The following SPSB1 variants were observed in gnomAD, a reference collection of about 807,000 sequenced individuals.
SPSB1 encodes the protein splA/ryanodine receptor domain and SOCS box containing 1.
SPSB1 carries 8 observed loss-of-function variants against 21.2 expected under a neutral mutation model. That is an observed-to-expected ratio of 0.38 (90% confidence interval 0.22 to 0.68). The LOEUF is 0.68. Ranked by LOEUF, SPSB1 falls within the 30% of genes least tolerant of loss-of-function variation. The pLI is 0.53. For missense variants in SPSB1, 242 were observed against 377.8 expected (o/e 0.64, Z 2.98); for synonymous variants, 169 against 161.7 (o/e 1.05, Z -0.34).
At chr1:9,337,510 G>A (rs1640022750) in intron 1 of SPSB1, among the ~76,000 whole-genome samples, 1 of 152,178 alleles carries the variant, frequency 6.6e-6, no homozygotes, top group African/African-American at 2.4e-5. Context: ...TGGGAGAACA[G>A]GGTGAGGCTG....
At chr1:9,294,121 A>C (rs1639168615) in intron 1 of SPSB1, among the ~76,000 whole-genome samples, 1 of 137,528 alleles carries the variant, frequency 7.3e-6, no homozygotes, top group African/African-American at 2.7e-5. Context: ...TCTGTGTGTG[A>C]GTGTGTATGT....
chr1:9,328,001 G>T (rs549364276), intron 1 of SPSB1, among the ~76,000 whole-genome samples: 4 of 152,258 alleles, frequency 2.6e-5, no homozygotes, highest in Non-Finnish European at 4.4e-5. Flanking sequence ...GGTGAATGGA[G>T]TGCTGCAATC....
chr1:9,309,232 C>A (rs375425434), intron 1 of SPSB1, among the ~76,000 whole-genome samples: 10 of 144,476 alleles, frequency 6.9e-5, no homozygotes, highest in Non-Finnish European at 1.1e-4. Flanking sequence ...TAAGCTAGAT[C>A]CCCCCTCAAT....
intron 1 of SPSB1, among the ~76,000 whole-genome samples, chr1:9,330,254 G>A (rs1044991994): frequency 3.9e-5 from 6 of 152,130 alleles, no homozygotes; most frequent in African/African-American, 1.4e-4. Context: ...GATCACCTGA[G>A]GTCAGGAGTT....
At chr1:9,295,634 G>A (rs541829957) in intron 1 of SPSB1, among the ~76,000 whole-genome samples, 1 of 152,318 alleles carries the variant, frequency 6.6e-6, no homozygotes, top group African/African-American at 2.4e-5. Context: ...CCAGAGCTGG[G>A]GAATGGGGTG....
At chr1:9,338,446 T>C (rs777761539) in intron 1 of SPSB1, among the ~76,000 whole-genome samples, 44 of 152,298 alleles carry the variant, frequency 2.9e-4, no homozygotes, top group Non-Finnish European at 5.9e-4. Context: ...TGGGGGTCAG[T>C]GTACCTAAGG....
intron 2 of SPSB1, among the ~76,000 whole-genome samples, chr1:9,364,684 C>T (rs1640535968): frequency 6.6e-6 from 1 of 152,208 alleles, no homozygotes; most frequent in Non-Finnish European, 1.5e-5. Flanking sequence ...CGAAAGGCCC[C>T]CTTTCAAAAT....
intron 2 of SPSB1, among the ~76,000 whole-genome samples, chr1:9,362,906 G>A (rs747547765): frequency 5.3e-5 from 8 of 152,244 alleles, no homozygotes; most frequent in African/African-American, 1.2e-4. Context: ...ATGAATGAGC[G>A]CCTAAGCTTC....
intron 1 of SPSB1, among the ~76,000 whole-genome samples, chr1:9,297,829 G>C (rs776760806): frequency 2.0e-4 from 31 of 152,128 alleles, no homozygotes; most frequent in Admixed American, 1.3e-4. Flanking sequence ...TGCTGGAGTG[G>C]ATTTGTCTCT....
chr1:9,295,413 A>C (rs2072735), intron 1 of SPSB1, among the ~76,000 whole-genome samples: 115,583 of 152,072 alleles, frequency 0.76, 44,057 homozygotes, highest in South Asian at 0.79. Context: ...ATGCCGGCTT[A>C]AGAGAGACCT....
chr1:9,307,277 T>C (rs1639433036), intron 1 of SPSB1, among the ~76,000 whole-genome samples: 1 of 152,188 alleles, frequency 6.6e-6, no homozygotes, highest in East Asian at 1.9e-4. Flanking sequence ...TGAGCCATTT[T>C]AAAGTGAACA....
intron 2 of SPSB1, among the ~76,000 whole-genome samples, chr1:9,357,786 G>C (rs113212787): frequency 0.022 from 3,404 of 152,296 alleles, 132 homozygotes; most frequent in African/African-American, 0.077. Flanking sequence ...TGGCTGCCCA[G>C]CTGGGAGTCC....
chr1:9,306,854 G>A (rs1385054009), intron 1 of SPSB1, among the ~76,000 whole-genome samples: 2 of 152,062 alleles, frequency 1.3e-5, no homozygotes, highest in Non-Finnish European at 2.9e-5. Flanking sequence ...CAAGCAAGAT[G>A]TCCTGGACAT....
chr1:9,367,629 C>CGCCT lies in SPSB1; in HGVS notation c.*58_*61dup. ...GCCACCTGGTGCCAACTCACTGAGCCGCCTGCCGCTGGGGCCGCCGCACCC... is the reference window on the plus strand; with the variant it reads ...GCCACCTGGTGCCAACTCACTGAGCCGCCTGCCTGCCGCTGGGGCCGCCGCACCC... On this transcript the variant is annotated 3_prime_UTR_variant, in exon 3 of 3. Coordinates refer to ENST00000328089, the MANE Select transcript of SPSB1 (RefSeq NM_025106.4). The surrounding 1 kb of genome is among the most constrained non-coding windows in gnomAD (Gnocchi z 5.9). 2.6e-6 allele frequency: 4 copies of CGCCT among 1,526,998 alleles called. No homozygotes were observed. Among genetic ancestry groups the CGCCT allele is most frequent in the South Asian group, 2.4e-5 (2 of 81,802 alleles). 94.6% of individuals were successfully genotyped at this position (1,526,998 alleles called of 1,614,324 possible). A position where few individuals can be genotyped will look rare whatever the true frequency, so the allele number is the denominator to read the frequency against.
At chr1:9,343,847 G>A (rs1375124100) in intron 1 of SPSB1, among the ~76,000 whole-genome samples, 2 of 152,156 alleles carry the variant, frequency 1.3e-5, no homozygotes, top group East Asian at 1.9e-4. Context: ...GTGCAGTGGC[G>A]CGATCTCGGC....
At chr1:9,322,122 C>T (rs753403238) in intron 1 of SPSB1, among the ~76,000 whole-genome samples, 20 of 152,150 alleles carry the variant, frequency 1.3e-4, no homozygotes, top group Non-Finnish European at 2.2e-4. Context: ...ACCCACATTC[C>T]CAGGACTTAG....
chr1:9,341,409 C>G (rs558633709), intron 1 of SPSB1, among the ~76,000 whole-genome samples: 72 of 152,362 alleles, frequency 4.7e-4, no homozygotes, highest in Middle Eastern at 3.4e-3. Context: ...CTGCCTCCCC[C>G]CACTAGACTG....
chr1:9,339,164 C>G lies in SPSB1; in HGVS notation c.-149-16579C>G, dbSNP rs553684355. The G allele has an allele frequency of 4.2e-5, 41 of 976,608 alleles. No homozygotes were observed. The South Asian group carries it at 1.8e-3, about 43-fold the overall frequency. 60.5% of individuals were successfully genotyped at this position (976,608 alleles called of 1,614,324 possible). On this transcript the variant is annotated intron_variant, in intron 1 of 2. Transcript: ENST00000328089. Reference sequence around the variant, plus strand: ...GGCTCCGGAGGTCCTGCCCTCACCCCTCTTCTGTCATTCTCCCCCCAGCGG... The same window carrying G: ...GGCTCCGGAGGTCCTGCCCTCACCCGTCTTCTGTCATTCTCCCCCCAGCGG...
rs547874623 is a variant in SPSB1, at chr1:9,323,409, C to T, written c.-150+30338C>T. Among the ~76,000 whole-genome samples the T allele has an allele frequency of 3.3e-5, 5 of 152,280 alleles. No homozygotes were observed. In the South Asian group the frequency reaches 1.0e-3, roughly 32 times the overall value. Reference sequence around the variant, plus strand: ...CCCTGGCTGGCTGTGGAGCCTCCCTCGCGGCCCGTTGGCAGAGATCTCAGG... The same window carrying T: ...CCCTGGCTGGCTGTGGAGCCTCCCTTGCGGCCCGTTGGCAGAGATCTCAGG... On this transcript the variant is annotated intron_variant, in intron 1 of 2. Coordinates refer to ENST00000328089, the MANE Select transcript of SPSB1 (RefSeq NM_025106.4).
Sources: allele counts gnomAD v4.1 joint callset (sites outside exome capture counted in the v4.1 genomes callset), GRCh38; gene constraint gnomAD v4.1.1; non-coding constraint Gnocchi (gnomAD v3.1); transcripts MANE v1.5; gene names NCBI Gene and HGNC (gene_info 2026-07-23, HGNC 2026-07-21).